Variants in ERAP2 observed in about 807,000 individuals in gnomAD.
ERAP2 encodes leukocyte-derived arginine aminopeptidase.
ERAP2 carries 118 observed loss-of-function variants against 111.1 expected under a neutral mutation model. The observed-to-expected ratio is 1.06, with a 90% CI of 0.92 to 1.24. The LOEUF (loss-of-function observed/expected upper bound fraction) is 1.24, where lower values mean the gene tolerates loss of function less well. Ranked by LOEUF, ERAP2 falls within the 50% of genes most tolerant of loss-of-function variation. The pLI is 0.00. For synonymous variants in ERAP2, 410 were observed against 401.2 expected (o/e 1.02, Z -0.26); for missense variants, 1,131 against 1,125.8 (o/e 1.00, Z -0.07).
rs934593675 is a variant in ERAP2, at chr5:96,919,549, ATTG to A, written c.*1947_*1949del. On this transcript the variant is annotated 3_prime_UTR_variant, in exon 19 of 19. Coordinates refer to ENST00000437043, the MANE Select transcript of ERAP2 (RefSeq NM_022350.5). ...AAATATGCAGAGTTCTTTCTTTTGT[ATTG>A]TTATTTACAATATTGTTAAATTGAA... The A allele has an allele frequency of 6.6e-6, 1 of 152,216 alleles. No individual in the cohort carries two copies. Among genetic ancestry groups the A allele is most frequent in the Non-Finnish European group, 1.5e-5 (1 of 68,006 alleles). 9.4% of individuals were successfully genotyped at this position (152,216 alleles called of 1,614,324 possible).
At chr5:96,916,267 A>G (rs1389139684) in intron 18 of ERAP2, among the ~76,000 whole-genome samples, 2 of 151,810 alleles carry the variant, frequency 1.3e-5, no homozygotes, top group Non-Finnish European at 1.5e-5. Flanking sequence ...CAGCAAAAAA[A>G]AGCCCCTGAC....
At chr5:96,904,557 G>C (rs1785830357) in intron 13 of ERAP2, among the ~76,000 whole-genome samples, 1 of 152,172 alleles carries the variant, frequency 6.6e-6, no homozygotes, top group African/African-American at 2.4e-5. Flanking sequence ...TAGCTCATTG[G>C]AGGCCAAAAT....
chr5:96,899,561 A>G (rs1785233691), intron 9 of ERAP2, among the ~76,000 whole-genome samples: 1 of 152,208 alleles, frequency 6.6e-6, no homozygotes, highest in Non-Finnish European at 1.5e-5. Context: ...TGGTTATTCA[A>G]GGGTCAATTG....
intron 2 of ERAP2, chr5:96,881,599 G>T (rs139814519): frequency 6.4e-5 from 27 of 421,832 alleles, no homozygotes; most frequent in African/African-American, 4.9e-4. Context: ...CATGCAACAA[G>T]AAGTCCAGAA....
chr5:96,889,196 T>C lies in ERAP2; in HGVS notation c.861T>C (p.Tyr287=), dbSNP rs1211722790. The C allele has an allele frequency of 6.2e-7, 1 of 1,614,194 alleles. No homozygotes were observed. Among genetic ancestry groups the C allele is most frequent in the Non-Finnish European group, 8.5e-7 (1 of 1,180,010 alleles). The change falls in exon 5 of 19, where the codon TAT becomes TAC. Residue 287 remains tyrosine (Y), a synonymous_variant. Coordinates refer to ENST00000437043, the MANE Select transcript of ERAP2 (RefSeq NM_022350.5). ...TCCACATTTCCCAGGTGTCCATCTATGCATCCCCAGACAAACGGAATCAAA... is the reference window on the plus strand; with the variant it reads ...TCCACATTTCCCAGGTGTCCATCTACGCATCCCCAGACAAACGGAATCAAA... ...FTSSGVKVSI[Y]ASPDKRNQTH...
At position 96,917,810 on chromosome 5, in the gene ERAP2, G is replaced by C. The variant is rs563494633; in HGVS notation, c.*205G>C. ...AGTCCCAGCTACTCGGCAGGCTGCA[G>C]CAGGAAAATGGCATAAACCCGGGAG... On this transcript the variant is annotated 3_prime_UTR_variant, in exon 19 of 19. Transcript: ENST00000437043. 2 of 271,578 alleles carry C rather than the reference G, an allele frequency of 7.4e-6. No homozygotes were observed. Among genetic ancestry groups the C allele is most frequent in the Admixed American group, 5.3e-5 (1 of 18,874 alleles). The allele number at this position is 271,578 out of a possible 1,614,324, so 16.8% of individuals were successfully genotyped here. A position where few individuals can be genotyped will look rare whatever the true frequency, so the allele number is the denominator to read the frequency against.
Position 96,891,923 on chromosome 5 carries a change from A to G in ERAP2, c.971-376A>G, listed in dbSNP as rs190929206. ...TTGATGAATCTCAAACATATTAGAA[A>G]TTATTTGATACCCTTTTTAAAGTTT... On this transcript the variant is annotated intron_variant, in intron 5 of 18. Transcript: ENST00000437043. 1.6e-3 allele frequency among the ~76,000 whole-genome samples: 246 copies of G among 152,310 alleles called. 1 individual carries two copies. The highest frequency in any genetic ancestry group is 5.6e-3 in the African/African-American group (234 of 41,574).
At chr5:96,911,755 C>T (rs1786761548) in intron 15 of ERAP2, among the ~76,000 whole-genome samples, 1 of 151,456 alleles carries the variant, frequency 6.6e-6, no homozygotes, top group South Asian at 2.1e-4. Flanking sequence ...TGCCTATAAT[C>T]ACAGCTGCTC....
chr5:96,880,365 T>A, intron 2 of ERAP2, 105 bp downstream of exon 2: 2 of 1,036,822 alleles, frequency 1.9e-6, no homozygotes, highest in African/African-American at 1.6e-5. Flanking sequence ...AGAAATCCAG[T>A]GAACTATGGG....
At chr5:96,905,997 T>A (rs1005445026) in intron 13 of ERAP2, among the ~76,000 whole-genome samples, 5 of 150,792 alleles carry the variant, frequency 3.3e-5, no homozygotes, top group Admixed American at 2.7e-4. Context: ...CAGGCTGATA[T>A]TGAATTCCTG....
chr5:96,902,440 T>C, intron 12 of ERAP2, 87 bp downstream of exon 12: 1 of 771,942 alleles, frequency 1.3e-6, no homozygotes, highest in Non-Finnish European at 2.2e-6. Flanking sequence ...AATAAGTAAA[T>C]CTAACAATAA....
chr5:96,877,905 A>G (rs1250249063), intron 1 of ERAP2, among the ~76,000 whole-genome samples: 1 of 152,206 alleles, frequency 6.6e-6, no homozygotes, highest in Non-Finnish European at 1.5e-5. Flanking sequence ...TGTCACCTGC[A>G]TTAATATTGC....
At chr5:96,902,170 A>G in intron 11 of ERAP2, 104 bp from the exon 12 acceptor site, 1 of 726,836 alleles carries the variant, frequency 1.4e-6, no homozygotes, top group Non-Finnish European at 2.4e-6. Context: ...AGTATGAAGG[A>G]TGATGGGTAC....
At chr5:96,906,992 C>T (rs749374083) in intron 13 of ERAP2, among the ~76,000 whole-genome samples, 1 of 152,186 alleles carries the variant, frequency 6.6e-6, no homozygotes, top group Non-Finnish European at 1.5e-5. Context: ...TGTGCCATTG[C>T]ACTCCAGCCT....
At position 96,892,471 on chromosome 5, in the gene ERAP2, C is replaced by A; in HGVS notation, c.1125+18C>A. 6.2e-7 allele frequency: 1 copy of A among 1,613,216 alleles called. No individual in the cohort carries two copies. Among genetic ancestry groups the A allele is most frequent in the Non-Finnish European group, 8.5e-7 (1 of 1,179,442 alleles). On this transcript the variant is annotated intron_variant, in intron 6 of 18. Coordinates refer to ENST00000437043, the MANE Select transcript of ERAP2 (RefSeq NM_022350.5). ...CGCACCAGGTACTTGGCACTCATGA[C>A]ATTATCTCGATATCAGTTCAAAATA...
Position 96,880,249 on chromosome 5 carries a change from T to G in ERAP2, c.564T>G (p.Gly188=). The change falls in exon 2 of 19, where the codon GGT becomes GGG. Residue 188 remains glycine (G), a synonymous_variant. Transcript: ENST00000437043. ...ATAAAAGCACATACAGAACTCTTGG[T>G]GGTGAAACAAGGTAAGAACTTGCTC... ...GFYKSTYRTL[G]GETRILAVTD... The G allele has an allele frequency of 6.2e-7, 1 of 1,609,040 alleles. No individual in the cohort carries two copies. Among genetic ancestry groups the G allele is most frequent in the Non-Finnish European group, 8.5e-7 (1 of 1,177,398 alleles).
At position 96,901,569 on chromosome 5, in the gene ERAP2, G is replaced by C. The variant is rs753122887; in HGVS notation, c.1636G>C (p.Gly546Arg). ...GATGACTACATGGACTCTCCAGAAA[G>C]GAATCCCCCTGCTGGTGGTTAAACA... ...EMMTTWTLQK[G>R]IPLLVVKQDG... Residue 546 changes from glycine to arginine, a missense_variant, in exon 11 of 19, where the codon GGA becomes CGA. Gly to Arg is a moderately radical substitution (Grantham distance 125). This residue lies in a region of ERAP2 where 847 missense variants were observed against 856.5 expected (regional missense o/e 0.99). Transcript: ENST00000437043. 3.1e-6 allele frequency: 5 copies of C among 1,614,100 alleles called. No homozygotes were observed. Among genetic ancestry groups the C allele is most frequent in the Non-Finnish European group, 4.2e-6 (5 of 1,179,986 alleles).
At chr5:96,895,700 G>C (rs1784803426) in intron 7 of ERAP2, among the ~76,000 whole-genome samples, 1 of 152,194 alleles carries the variant, frequency 6.6e-6, no homozygotes. Context: ...AGAGTTCTCG[G>C]CATGTAACCT....
At position 96,896,802 on chromosome 5, in the gene ERAP2, A is replaced by C. The variant is rs767551298; in HGVS notation, c.1442A>C (p.Tyr481Ser). 7.4e-7 allele frequency: 1 copy of C among 1,349,718 alleles called. No individual in the cohort carries two copies. Among genetic ancestry groups the C allele is most frequent in the Non-Finnish European group, 9.7e-7 (1 of 1,036,184 alleles). The allele number at this position is 1,349,718 out of a possible 1,614,324, so 83.6% of individuals were successfully genotyped here. Residue 481 changes from tyrosine to serine, a missense_variant, in exon 9 of 19, where the codon TAC (tyrosine) becomes TCC (serine). This residue lies in a region of ERAP2 where 847 missense variants were observed against 856.5 expected (regional missense o/e 0.99). Transcript: ENST00000437043. ...AAATTCCAGAAAGGAATAATTCAGTACTTAAAGAAGTTCAGCTATAGAAAT... is the reference window on the plus strand; with the variant it reads ...AAATTCCAGAAAGGAATAATTCAGTCCTTAAAGAAGTTCAGCTATAGAAAT... ...EEKFQKGIIQ[Y>S]LKKFSYRNAK...
Sources: gnomAD v4.1 joint callset for allele counts (sites outside exome capture counted in the v4.1 genomes callset) on GRCh38, gnomAD v4.1.1 for gene constraint, gnomAD v4.1.1 regional missense constraint, MANE v1.5 for transcripts, NCBI Gene and HGNC (gene_info 2026-07-23, HGNC 2026-07-21) for gene names.